Variants in ABTB3 observed in about 807,000 individuals in gnomAD.
The protein encoded by ABTB3 is ankyrin repeat and BTB domain containing 3.
the ABTB3 span, among the ~76,000 whole-genome samples, chr12:107,406,303 G>T: frequency 6.6e-6 from 1 of 152,252 alleles, no homozygotes; most frequent in African/African-American, 2.4e-5. Flanking sequence ...GAAAGCATGC[G>T]CCTGTAGTCC....
the ABTB3 span, among the ~76,000 whole-genome samples, chr12:107,420,796 C>T: frequency 6.6e-6 from 1 of 152,110 alleles, no homozygotes; most frequent in South Asian, 2.1e-4. Context: ...TTTTCTGCAC[C>T]CTGGGGATTA....
At chr12:107,542,038 G>A in the ABTB3 span, among the ~76,000 whole-genome samples, 7 of 152,124 alleles carry the variant, frequency 4.6e-5, no homozygotes, top group Non-Finnish European at 7.4e-5. Context: ...GGCCAGGCGC[G>A]GTGGGTCACA....
At chr12:107,534,228 T>A in the ABTB3 span, among the ~76,000 whole-genome samples, 11 of 134,236 alleles carry the variant, frequency 8.2e-5, no homozygotes, top group Admixed American at 1.5e-4. Flanking sequence ...AAAAAAAAAA[T>A]TTAAGAAATT....
the ABTB3 span, chr12:107,659,551 G>C: frequency 1.4e-4 from 21 of 152,230 alleles, no homozygotes; most frequent in African/African-American, 4.8e-4. Context: ...AGGGCCTCCA[G>C]GCATTGATTT....
At chr12:107,600,949 T>C in the ABTB3 span, among the ~76,000 whole-genome samples, 3 of 152,132 alleles carry the variant, frequency 2.0e-5, no homozygotes, top group African/African-American at 7.2e-5. Flanking sequence ...GATTGGAGGA[T>C]TGTGTGGCTG....
At chr12:107,346,267 T>C in the ABTB3 span, among the ~76,000 whole-genome samples, 1 of 151,892 alleles carries the variant, frequency 6.6e-6, no homozygotes, top group East Asian at 1.9e-4. Context: ...AAAGTCTAGA[T>C]TGGGATGGGG....
the ABTB3 span, among the ~76,000 whole-genome samples, chr12:107,337,600 A>G: frequency 2.0e-5 from 3 of 152,214 alleles, no homozygotes; most frequent in Admixed American, 1.3e-4. Context: ...CAGAGAGGCT[A>G]ACAGATACTC....
the ABTB3 span, among the ~76,000 whole-genome samples, chr12:107,483,001 C>T: frequency 0.32 from 29,854 of 92,650 alleles, 4,851 homozygotes; most frequent in African/African-American, 0.56. Context: ...TCCTTCCTTC[C>T]TTCCTTCTTT....
chr12:107,451,491 T>C, the ABTB3 span, among the ~76,000 whole-genome samples: 4 of 152,228 alleles, frequency 2.6e-5, 1 homozygote, highest in African/African-American at 4.8e-5. Flanking sequence ...TAATTCATCC[T>C]GTGCACAAGC....
chr12:107,483,957 G>A, the ABTB3 span, among the ~76,000 whole-genome samples: 2 of 152,144 alleles, frequency 1.3e-5, no homozygotes, highest in African/African-American at 4.8e-5. Context: ...CTTACAAAAT[G>A]CTGAGATTAC....
chr12:107,489,387 G>A, the ABTB3 span, among the ~76,000 whole-genome samples: 1 of 152,246 alleles, frequency 6.6e-6, no homozygotes, highest in Admixed American at 6.5e-5. Flanking sequence ...GGGCGTGGTG[G>A]TGCATGCCTG....
At chr12:107,427,323 C>G in the ABTB3 span, among the ~76,000 whole-genome samples, 1 of 151,964 alleles carries the variant, frequency 6.6e-6, no homozygotes, top group Admixed American at 6.6e-5. Context: ...GCTCTGTTGC[C>G]CAGGCTGGAG....
At chr12:107,558,266 T>A in the ABTB3 span, among the ~76,000 whole-genome samples, 3,438 of 152,222 alleles carry the variant, frequency 0.023, 112 homozygotes, top group African/African-American at 0.076. Flanking sequence ...GTTATTAAAA[T>A]GCTGAAATGC....
chr12:107,624,992 G>A, the ABTB3 span, among the ~76,000 whole-genome samples: 1 of 152,126 alleles, frequency 6.6e-6, no homozygotes, highest in East Asian at 1.9e-4. Context: ...CTCACTGTTT[G>A]GTGTTGTCAC....
At chr12:107,502,515 G>A in the ABTB3 span, among the ~76,000 whole-genome samples, 1 of 151,980 alleles carries the variant, frequency 6.6e-6, no homozygotes, top group African/African-American at 2.4e-5. Flanking sequence ...CCTCAAAACG[G>A]CCACAGTACA....
At chr12:107,490,156 T>C in the ABTB3 span, among the ~76,000 whole-genome samples, 1 of 152,140 alleles carries the variant, frequency 6.6e-6, no homozygotes, top group African/African-American at 2.4e-5. Flanking sequence ...CAACCCCCAA[T>C]TCAAATGAAT....
chr12:107,408,438 TG>T, the ABTB3 span, among the ~76,000 whole-genome samples: 4 of 152,194 alleles, frequency 2.6e-5, no homozygotes, highest in Non-Finnish European at 4.4e-5. Context: ...GCTTTTTGAC[TG>T]TGGGTGACAA....
At chr12:107,340,672 ATTAAGT>A in the ABTB3 span, among the ~76,000 whole-genome samples, 929 of 152,012 alleles carry the variant, frequency 6.1e-3, 9 homozygotes, top group African/African-American at 0.021. Context: ...TGGAGAATCG[ATTAAGT>A]GGCCACCCAT....
the ABTB3 span, among the ~76,000 whole-genome samples, chr12:107,448,012 G>T: frequency 6.6e-6 from 1 of 152,164 alleles, no homozygotes; most frequent in Non-Finnish European, 1.5e-5. Flanking sequence ...GGCCAAGCAT[G>T]GGCTAAAGAC....
Sources: gnomAD v4.1 joint callset for allele counts (sites outside exome capture counted in the v4.1 genomes callset) on GRCh38, gnomAD v4.1.1 for gene constraint, MANE v1.5 for transcripts, NCBI Gene and HGNC (gene_info 2026-07-23, HGNC 2026-07-21) for gene names.